Variants in INTS10 observed in about 807,000 individuals in gnomAD.
INTS10 encodes the protein chromosome 8 open reading frame 35.
INTS10 carries 44 observed loss-of-function variants against 94.4 expected under a neutral mutation model. That is an observed-to-expected ratio of 0.47 (90% CI 0.37 to 0.60). INTS10 has a LOEUF of 0.60. INTS10 is among the 20% of genes least tolerant of loss of function. The pLI is 0.00. For missense variants in INTS10, 797 were observed against 868.7 expected (o/e 0.92, Z 1.04); for synonymous variants, 341 against 320.7 (o/e 1.06, Z -0.68).
rs1381887957 is a variant in INTS10, at chr8:19,826,947, A to C, written c.1140+388A>C. 1.3e-5 allele frequency among the ~76,000 whole-genome samples: 2 copies of C among 152,212 alleles called. 1 individual carries two copies. Among genetic ancestry groups the C allele is most frequent in the Admixed American group, 1.3e-4 (2 of 15,274 alleles). ...CAAAATGGCATTGGACCTCTAGAGC[A>C]GGGTGCAGTGTGGGGTACTGGCCTC... On this transcript the variant is annotated intron_variant, in intron 9 of 16. Transcript: ENST00000397977.
intron 9 of INTS10, among the ~76,000 whole-genome samples, chr8:19,828,637 T>C (rs565453311): frequency 3.9e-5 from 6 of 152,202 alleles, no homozygotes; most frequent in Non-Finnish European, 8.8e-5. Context: ...AGACGCGCCA[T>C]GTGTGTTCGT....
At chr8:19,845,201 T>C (rs890612835) in intron 15 of INTS10, among the ~76,000 whole-genome samples, 5 of 152,312 alleles carry the variant, frequency 3.3e-5, no homozygotes, top group South Asian at 2.1e-4. Flanking sequence ...CACAGAAGCT[T>C]CCTCCTCTGA....
intron 5 of INTS10, 51 bp downstream of exon 5, chr8:19,822,571 G>T (rs2066462341): frequency 8.9e-7 from 1 of 1,123,562 alleles, no homozygotes; most frequent in Non-Finnish European, 1.3e-6. Context: ...AATATGCTGG[G>T]GTAAGTGTTG....
Position 19,851,650 on chromosome 8 carries a change from CACCACACTGT to C in INTS10, c.1980_1989del (p.His660GlnfsTer9). ...CTGTTTCCCTATTGCTGACCTCAGG[CACCACACTGT>C]AACTCGAGGCATCACCAAAGGCGTG... On this transcript the variant is annotated frameshift_variant and splice_region_variant, in exon 17 of 17. Coordinates refer to ENST00000397977, the MANE Select transcript of INTS10 (RefSeq NM_018142.4). LOFTEE classifies it high-confidence loss of function. This position sits in a 1 kb window ranked among gnomAD's most constrained non-coding sequence, Gnocchi z 5.0. The C allele has an allele frequency of 6.2e-7, 1 of 1,614,148 alleles. No homozygotes were observed. The highest frequency in any genetic ancestry group is 8.5e-7 in the Non-Finnish European group (1 of 1,179,980).
At chr8:19,819,350 TA>T (rs773322742) in intron 2 of INTS10, among the ~76,000 whole-genome samples, 1 of 152,246 alleles carries the variant, frequency 6.6e-6, no homozygotes, top group Non-Finnish European at 1.5e-5. Context: ...ATGTTATGGT[TA>T]CTTGTCTTTT....
chr8:19,842,827 A>G (rs1361287591), intron 13 of INTS10, 21 bp from the exon 14 acceptor site: 2 of 1,569,570 alleles, frequency 1.3e-6, no homozygotes, highest in South Asian at 2.2e-5. Flanking sequence ...ACATTAACCT[A>G]ACATTGTGGA....
Position 19,819,556 on chromosome 8 carries a change from A to C in INTS10, c.198-17A>C. On this transcript the variant is annotated splice_polypyrimidine_tract_variant and intron_variant, in intron 2 of 16. Coordinates refer to ENST00000397977, the MANE Select transcript of INTS10 (RefSeq NM_018142.4). ...AGACTTTGACATTTTAATTTAATGTATTTATTTTAAAAATAGGTTTGTGAA... is the reference window on the plus strand; with the variant it reads ...AGACTTTGACATTTTAATTTAATGTCTTTATTTTAAAAATAGGTTTGTGAA... 1 of 1,571,716 alleles carries C rather than the reference A, an allele frequency of 6.4e-7. No homozygotes were observed. Among genetic ancestry groups the C allele is most frequent in the Non-Finnish European group, 8.7e-7 (1 of 1,148,658 alleles).
chr8:19,826,631 T>C (rs2128765408), intron 9 of INTS10, 72 bp downstream of exon 9: 6 of 1,406,788 alleles, frequency 4.3e-6, no homozygotes, highest in East Asian at 2.4e-5. Flanking sequence ...TTGTAAAATA[T>C]GGCTTTGGAG....
At chr8:19,827,218 C>T (rs1200689298) in intron 9 of INTS10, among the ~76,000 whole-genome samples, 1 of 152,148 alleles carries the variant, frequency 6.6e-6, no homozygotes, top group African/African-American at 2.4e-5. Context: ...GTCCCTGCCT[C>T]CCAGCCTCTG....
At chr8:19,824,549 C>T (rs539081743) in intron 7 of INTS10, 7 of 373,238 alleles carry the variant, frequency 1.9e-5, no homozygotes, top group South Asian at 6.8e-5. Flanking sequence ...ACTCTTAAGA[C>T]GATGTTGTGT....
chr8:19,845,848 C>G, intron 16 of INTS10, 51 bp downstream of exon 16: 1 of 1,266,752 alleles, frequency 7.9e-7, no homozygotes, highest in Non-Finnish European at 1.2e-6. Flanking sequence ...CCTTTTGTGT[C>G]TTTGTATGAA....
At position 19,829,365 on chromosome 8, in the gene INTS10, A is replaced by ATT. The variant is rs56091429; in HGVS notation, c.1141-1031_1141-1030dup. 1.1e-3 allele frequency among the ~76,000 whole-genome samples: 162 copies of ATT among 150,378 alleles called. 1 individual carries two copies. Among genetic ancestry groups the ATT allele is most frequent in the Admixed American group, 3.4e-3 (52 of 15,132 alleles). On this transcript the variant is annotated intron_variant, in intron 9 of 16. Transcript: ENST00000397977. ...TCAGTGGAGCTGCTTTTACCTTTACATTTTTTTTTTTGGCAAAACATCTGA... is the reference window on the plus strand; with the variant it reads ...TCAGTGGAGCTGCTTTTACCTTTACATTTTTTTTTTTTTGGCAAAACATCTGA...
In INTS10 at chr8:19,842,894, A is replaced by G. The variant is rs183274189; in HGVS notation, c.1686A>G (p.Pro562=). 5 of 1,613,004 alleles carry G rather than the reference A, an allele frequency of 3.1e-6. No homozygotes were observed. Among genetic ancestry groups the G allele is most frequent in the Non-Finnish European group, 8.5e-7 (1 of 1,179,010 alleles). ...LLPCTSKAIM[P]YCLHLMLACF... is the part of the protein sequence containing the mutation. ...CTTGTACCAGCAAGGCTATCATGCCATACTGCCTCCATTTAATGTTAGCCT... is the reference window on the plus strand; with the variant it reads ...CTTGTACCAGCAAGGCTATCATGCCGTACTGCCTCCATTTAATGTTAGCCT... The change falls in exon 14 of 17, where the codon CCA becomes CCG. Residue 562 remains proline (P), a synonymous_variant. Coordinates refer to ENST00000397977, the MANE Select transcript of INTS10 (RefSeq NM_018142.4).
In INTS10 at chr8:19,849,947, T is replaced by C. The variant is rs940022341; in HGVS notation, c.1977-1702T>C. On this transcript the variant is annotated intron_variant, in intron 16 of 16. Coordinates refer to ENST00000397977, the MANE Select transcript of INTS10 (RefSeq NM_018142.4). The surrounding 1 kb of genome is among the most constrained non-coding windows in gnomAD (Gnocchi z 4.6). Reference sequence around the variant, plus strand: ...TGCAGGATGTAGCATTTAGTTATATTTTTAGTGGTATTAAAAGCAGGGTTT... The same window carrying C: ...TGCAGGATGTAGCATTTAGTTATATCTTTAGTGGTATTAAAAGCAGGGTTT... 6.6e-6 allele frequency among the ~76,000 whole-genome samples: 1 copy of C among 151,924 alleles called. No homozygotes were observed. Among genetic ancestry groups the C allele is most frequent in the Non-Finnish European group, 1.5e-5 (1 of 67,972 alleles).
At chr8:19,835,544 C>T (rs1220862992) in intron 12 of INTS10, among the ~76,000 whole-genome samples, 3 of 152,184 alleles carry the variant, frequency 2.0e-5, no homozygotes, top group East Asian at 3.9e-4. Flanking sequence ...GGTCCAAAGA[C>T]GACTCAAGGA....
chr8:19,846,059 C>G lies in INTS10; in HGVS notation c.1976+262C>G, dbSNP rs187139024. 1 of 381,086 alleles carries G rather than the reference C, an allele frequency of 2.6e-6. No homozygotes were observed. Among genetic ancestry groups the G allele is most frequent in the African/African-American group, 2.0e-5 (1 of 49,570 alleles). 23.6% of individuals were successfully genotyped at this position (381,086 alleles called of 1,614,324 possible). ...TAGACAAAAGTCTCATTCATGATATCTTTTACTTTCAAAAATTTATAGGGT... is the reference window on the plus strand; with the variant it reads ...TAGACAAAAGTCTCATTCATGATATGTTTTACTTTCAAAAATTTATAGGGT... On this transcript the variant is annotated intron_variant, in intron 16 of 16. Transcript: ENST00000397977. This position sits in a 1 kb window ranked among gnomAD's most constrained non-coding sequence, Gnocchi z 4.2.
At position 19,820,638 on chromosome 8, in the gene INTS10, T is replaced by C. The variant is rs1589913943; in HGVS notation, c.441+120T>C. The C allele has an allele frequency of 5.0e-6, 4 of 793,756 alleles. No homozygotes were observed. The East Asian group carries it at 1.1e-4, about 22-fold the overall frequency. 49.2% of individuals were successfully genotyped at this position (793,756 alleles called of 1,614,324 possible). A position where few individuals can be genotyped will look rare whatever the true frequency, so the allele number is the denominator to read the frequency against. On this transcript the variant is annotated intron_variant, in intron 4 of 16. Coordinates refer to ENST00000397977, the MANE Select transcript of INTS10 (RefSeq NM_018142.4). Reference sequence around the variant, plus strand: ...TGAAGAGTACTGGTTAAGATTGAACTGAAATAGAAGGTTCTTTGTTAGTAA... The same window carrying C: ...TGAAGAGTACTGGTTAAGATTGAACCGAAATAGAAGGTTCTTTGTTAGTAA...
chr8:19,832,016 A>G lies in INTS10; in HGVS notation c.1295-12A>G. On this transcript the variant is annotated splice_polypyrimidine_tract_variant and intron_variant, in intron 10 of 16. Coordinates refer to ENST00000397977, the MANE Select transcript of INTS10 (RefSeq NM_018142.4). ...ATATATTTGGTAAATTTGTTCTTGAATTCTTACTCAGAATTTACAAGGATT... is the reference window on the plus strand; with the variant it reads ...ATATATTTGGTAAATTTGTTCTTGAGTTCTTACTCAGAATTTACAAGGATT... The G allele has an allele frequency of 1.9e-6, 3 of 1,551,428 alleles. No individual in the cohort carries two copies. The highest frequency in any genetic ancestry group is 2.7e-6 in the Non-Finnish European group (3 of 1,122,908).
Position 19,846,002 on chromosome 8 carries a change from G to T in INTS10, c.1976+205G>T, listed in dbSNP as rs2068549024. ...TTCTTAAAACACTTTGCTTAAATTG[G>T]GGTATTTTTGTCACATTTGCAACTT... On this transcript the variant is annotated intron_variant, in intron 16 of 16. Coordinates refer to ENST00000397977, the MANE Select transcript of INTS10 (RefSeq NM_018142.4). The surrounding 1 kb of genome is among the most constrained non-coding windows in gnomAD (Gnocchi z 4.2). 4 of 457,396 alleles carry T rather than the reference G, an allele frequency of 8.7e-6. No homozygotes were observed. The East Asian group carries it at 1.3e-4, about 15-fold the overall frequency. 28.3% of individuals were successfully genotyped at this position (457,396 alleles called of 1,614,324 possible).
Sources: allele counts gnomAD v4.1 joint callset (sites outside exome capture counted in the v4.1 genomes callset), GRCh38; gene constraint gnomAD v4.1.1; non-coding constraint Gnocchi (gnomAD v3.1); transcripts MANE v1.5; gene names NCBI Gene and HGNC (gene_info 2026-07-23, HGNC 2026-07-21).